PPP2R2B: variants seen among roughly 807,000 people sequenced by gnomAD.
PPP2R2B encodes serine/threonine-protein phosphatase 2A 55 kDa regulatory subunit B beta isoform.
Under a neutral mutation model 46.0 loss-of-function variants are expected in PPP2R2B, and 5 were observed. The observed-to-expected ratio is 0.11, with a 90% CI of 0.06 to 0.23. PPP2R2B has a LOEUF of 0.23. Among genes scored for constraint, PPP2R2B ranks in the 10% least tolerant of loss-of-function variants. The pLI is 1.00. For missense variants in PPP2R2B, 367 were observed against 575.0 expected (o/e 0.64, Z 3.70); for synonymous variants, 215 against 206.7 (o/e 1.04, Z -0.34).
intron 1 of PPP2R2B, among the ~76,000 whole-genome samples, chr5:146,917,535 A>G (rs954462446): frequency 2.2e-4 from 34 of 152,238 alleles, no homozygotes; most frequent in African/African-American, 8.0e-4. Flanking sequence ...CTTCATTTAT[A>G]TAGAGGTTCA....
intron 7 of PPP2R2B, among the ~76,000 whole-genome samples, chr5:146,633,473 GC>G (rs1774578616): frequency 6.6e-6 from 1 of 152,262 alleles, no homozygotes; most frequent in South Asian, 2.1e-4. Context: ...TGTTTTCCCA[GC>G]TGGCAGGAGC....
At chr5:147,018,547 G>A (rs1755116592) in intron 1 of PPP2R2B, among the ~76,000 whole-genome samples, 1 of 152,022 alleles carries the variant, frequency 6.6e-6, no homozygotes, top group Admixed American at 6.6e-5. Context: ...TTATTTCTAA[G>A]GTCCTTTCTG....
At position 146,749,303 on chromosome 5, in the gene PPP2R2B, G is replaced by A. The variant is rs932360030; in HGVS notation, c.71-48161C>T. Among the ~76,000 whole-genome samples, 11 of 152,152 alleles carry A rather than the reference G, an allele frequency of 7.2e-5. No individual in the cohort carries two copies. In the South Asian group the frequency reaches 8.3e-4, roughly 11 times the overall value. On this transcript the variant is annotated intron_variant, in intron 2 of 9. Transcript: ENST00000394411. ...ATATTTTGGTAACTAGTCTTTGTCC[G>A]ACATGTGGTTTTCAAATATTTTCTT...
At chr5:147,002,517 G>C (rs1561568797) in intron 1 of PPP2R2B, among the ~76,000 whole-genome samples, 1 of 152,052 alleles carries the variant, frequency 6.6e-6, no homozygotes, top group East Asian at 1.9e-4. Context: ...GACTCTAACA[G>C]GTTTTTGAGA....
At chr5:146,820,596 G>A (rs10064784) in intron 2 of PPP2R2B, among the ~76,000 whole-genome samples, 133 of 152,234 alleles carry the variant, frequency 8.7e-4, no homozygotes, top group African/African-American at 3.0e-3. Context: ...ACGCCATGCT[G>A]TTTGGGGATA....
intron 3 of PPP2R2B, 95 bp downstream of exon 3, chr5:146,700,950 G>T: frequency 8.9e-7 from 1 of 1,129,160 alleles, no homozygotes; most frequent in Non-Finnish European, 1.3e-6. Flanking sequence ...GAGCAAAGCA[G>T]CAAGGTTAAG....
chr5:146,730,098 G>T (rs573504944), intron 2 of PPP2R2B, among the ~76,000 whole-genome samples: 1 of 152,330 alleles, frequency 6.6e-6, no homozygotes, highest in South Asian at 2.1e-4. Flanking sequence ...CAGGGGCAGA[G>T]CTGCCTAAGA....
chr5:146,756,567 G>A (rs1274306281), intron 2 of PPP2R2B, among the ~76,000 whole-genome samples: 1 of 152,304 alleles, frequency 6.6e-6, no homozygotes, highest in Non-Finnish European at 1.5e-5. Context: ...TGGGATGCCT[G>A]GGTTTGAATC....
chr5:147,000,509 A>G (rs1201771195), intron 1 of PPP2R2B, among the ~76,000 whole-genome samples: 1 of 152,056 alleles, frequency 6.6e-6, no homozygotes, highest in African/African-American at 2.4e-5. Context: ...TTCCTTATCC[A>G]TGAAGTCAAG....
At chr5:146,982,229 GT>G (rs536852776) in intron 1 of PPP2R2B, among the ~76,000 whole-genome samples, 124 of 151,916 alleles carry the variant, frequency 8.2e-4, no homozygotes, top group Non-Finnish European at 1.4e-3. Flanking sequence ...CTTTTCATTT[GT>G]TGCCAGGTCC....
At chr5:146,898,955 C>A (rs1482540648) in intron 1 of PPP2R2B, among the ~76,000 whole-genome samples, 2 of 141,316 alleles carry the variant, frequency 1.4e-5, no homozygotes, top group African/African-American at 5.6e-5. Flanking sequence ...GAATGGCAAT[C>A]TTTAAAAAGT....
chr5:146,951,813 A>G (rs909054460), intron 1 of PPP2R2B, among the ~76,000 whole-genome samples: 2 of 152,078 alleles, frequency 1.3e-5, no homozygotes, highest in African/African-American at 4.8e-5. Context: ...TAGTGTAGCA[A>G]TGAACCTATG....
chr5:147,025,277 A>G (rs1009405608), intron 1 of PPP2R2B, among the ~76,000 whole-genome samples: 3 of 152,014 alleles, frequency 2.0e-5, no homozygotes, highest in African/African-American at 7.2e-5. Context: ...CATTTTTAAT[A>G]ATAAAAAATC....
intron 1 of PPP2R2B, among the ~76,000 whole-genome samples, chr5:146,908,799 C>A (rs1199940082): frequency 6.6e-6 from 1 of 151,914 alleles, no homozygotes; most frequent in Non-Finnish European, 1.5e-5. Flanking sequence ...CCCTTCCTCC[C>A]TTCCTCCCTT....
chr5:147,035,520 T>C (rs1755995314), intron 1 of PPP2R2B, among the ~76,000 whole-genome samples: 1 of 152,178 alleles, frequency 6.6e-6, no homozygotes, highest in Non-Finnish European at 1.5e-5. Context: ...AACCCACTAA[T>C]AAGTAGACTC....
At chr5:146,841,749 C>T (rs546143412) in intron 2 of PPP2R2B, among the ~76,000 whole-genome samples, 63 of 152,018 alleles carry the variant, frequency 4.1e-4, no homozygotes, top group African/African-American at 1.4e-3. Flanking sequence ...CACATGAACA[C>T]AGGAGGGGAA....
chr5:146,881,734 T>C (rs1401713175), upstream of PPP2R2B, among the ~76,000 whole-genome samples: 1 of 151,962 alleles, frequency 6.6e-6, no homozygotes, highest in Non-Finnish European at 1.5e-5. Context: ...TTCTATTGAC[T>C]AACTGTCACT....
chr5:146,706,553 G>A (rs187920701), intron 2 of PPP2R2B: 2 of 1,019,628 alleles, frequency 2.0e-6, no homozygotes, highest in Admixed American at 1.8e-5. Flanking sequence ...GCTGAAGGGC[G>A]GCCTCCAGCT....
At chr5:146,796,404 T>C (rs896129320) in intron 2 of PPP2R2B, among the ~76,000 whole-genome samples, 1 of 152,184 alleles carries the variant, frequency 6.6e-6, no homozygotes, top group African/African-American at 2.4e-5. Context: ...TATTATGAGA[T>C]AGAACACCAC....
Sources: allele counts gnomAD v4.1 joint callset (sites outside exome capture counted in the v4.1 genomes callset), GRCh38; gene constraint gnomAD v4.1.1; transcripts MANE v1.5; gene names NCBI Gene and HGNC (gene_info 2026-07-23, HGNC 2026-07-21).